LINGO2: variants seen among roughly 807,000 people sequenced by gnomAD.
LINGO2 encodes leucine rich repeat and Ig domain containing 2.
In LINGO2, 14 loss-of-function variants were observed where a neutral mutation model predicts 30.6. The observed-to-expected ratio is 0.46, with a 90% confidence interval of 0.30 to 0.72. LINGO2 has a LOEUF of 0.72. LINGO2 is among the 30% of genes least tolerant of loss of function. The probability of loss-of-function intolerance (pLI) is 0.07; values close to 1 mark genes in which losing one functional copy is unlikely to be tolerated. For missense variants in LINGO2, 729 were observed against 751.7 expected (o/e 0.97, Z 0.35); for synonymous variants, 317 against 288.5 (o/e 1.10, Z -1.00).
chr9:28,413,541 C>T (rs973150612), intron 2 of LINGO2, among the ~76,000 whole-genome samples: 1 of 152,112 alleles, frequency 6.6e-6, no homozygotes, highest in African/African-American at 2.4e-5. Flanking sequence ...AATCACTGAG[C>T]TCTCTGGGCT....
intron 5 of LINGO2, among the ~76,000 whole-genome samples, chr9:27,969,144 A>G (rs1054499028): frequency 1.3e-5 from 2 of 152,066 alleles, no homozygotes; most frequent in Non-Finnish European, 2.9e-5. Context: ...CAGATAAAGT[A>G]TGAAAGAGCA....
At chr9:28,449,261 G>C (rs1206868114) in intron 2 of LINGO2, among the ~76,000 whole-genome samples, 2 of 151,962 alleles carry the variant, frequency 1.3e-5, no homozygotes, top group African/African-American at 4.8e-5. Context: ...GCACTGGCTG[G>C]ATTAACAAAG....
the LINGO2 span, among the ~76,000 whole-genome samples, chr9:29,064,898 A>T: frequency 6.6e-6 from 1 of 152,130 alleles, no homozygotes; most frequent in Admixed American, 6.6e-5. Context: ...AAATAAATGA[A>T]GTATGACAGG....
At chr9:28,477,737 C>A (rs1047108001) in intron 1 of LINGO2, among the ~76,000 whole-genome samples, 6 of 152,148 alleles carry the variant, frequency 3.9e-5, no homozygotes, top group African/African-American at 1.4e-4. Flanking sequence ...ACGCTTGACA[C>A]CTTCTACAAT....
the LINGO2 span, among the ~76,000 whole-genome samples, chr9:29,005,468 G>A: frequency 6.6e-6 from 1 of 151,946 alleles, no homozygotes; most frequent in South Asian, 2.1e-4. Context: ...ATACAAAGTG[G>A]TGCGGTATTT....
At chr9:28,819,848 A>T in the LINGO2 span, among the ~76,000 whole-genome samples, 2 of 152,124 alleles carry the variant, frequency 1.3e-5, no homozygotes, top group African/African-American at 4.8e-5. Context: ...CACATATCCC[A>T]TTTATTGTCT....
At chr9:28,454,072 T>A (rs1363996794) in intron 2 of LINGO2, among the ~76,000 whole-genome samples, 3 of 151,972 alleles carry the variant, frequency 2.0e-5, no homozygotes, top group Non-Finnish European at 2.9e-5. Flanking sequence ...TCTTGAGTAA[T>A]GAGAGTGTCA....
At chr9:28,443,654 C>A (rs1824288117) in intron 2 of LINGO2, among the ~76,000 whole-genome samples, 1 of 152,234 alleles carries the variant, frequency 6.6e-6, no homozygotes, top group African/African-American at 2.4e-5. Flanking sequence ...GCAGTGCTGA[C>A]ATGCCAGCCC....
the LINGO2 span, among the ~76,000 whole-genome samples, chr9:28,942,366 G>C: frequency 6.6e-6 from 1 of 152,160 alleles, no homozygotes; most frequent in Non-Finnish European, 1.5e-5. Flanking sequence ...AGTGAGGAGA[G>C]TAAGTGATGG....
At chr9:28,031,527 T>G (rs1374452194) in intron 4 of LINGO2, among the ~76,000 whole-genome samples, 1 of 152,202 alleles carries the variant, frequency 6.6e-6, no homozygotes, top group Non-Finnish European at 1.5e-5. Context: ...TCAGATTGCT[T>G]TAGTAGGAAT....
intron 4 of LINGO2, among the ~76,000 whole-genome samples, chr9:28,284,101 C>T (rs550600599): frequency 6.7e-4 from 102 of 152,248 alleles, no homozygotes; most frequent in African/African-American, 2.4e-3. Context: ...CCATAGTCTA[C>T]TGTAACAGTG....
At chr9:28,751,972 T>C in the LINGO2 span, among the ~76,000 whole-genome samples, 1 of 151,978 alleles carries the variant, frequency 6.6e-6, no homozygotes, top group Non-Finnish European at 1.5e-5. Flanking sequence ...ATAGCTCTCG[T>C]CCACACCTTC....
Sources: gnomAD v4.1 joint callset for allele counts (sites outside exome capture counted in the v4.1 genomes callset) on GRCh38, gnomAD v4.1.1 for gene constraint, MANE v1.5 for transcripts, NCBI Gene and HGNC (gene_info 2026-07-23, HGNC 2026-07-21) for gene names.